ATRNL1: variants seen among roughly 807,000 people sequenced by gnomAD.
ATRNL1 encodes the protein attractin-like protein 1.
In ATRNL1, 95 loss-of-function variants were observed where a neutral mutation model predicts 182.7. The ratio of observed to expected loss-of-function variants is 0.52; its 90% CI spans 0.44 to 0.62. ATRNL1 has a LOEUF of 0.62. Among genes scored for constraint, ATRNL1 ranks in the 20% least tolerant of loss-of-function variants. The pLI, the probability that ATRNL1 is intolerant of heterozygous loss-of-function variation, is 0.00. For synonymous variants in ATRNL1, 576 were observed against 568.3 expected, an observed-to-expected ratio of 1.01 and a Z score of -0.19; for missense variants, 1,471 against 1,679.5, an observed-to-expected ratio of 0.88 and a Z score of 2.17.
chr10:115,292,451 G>A (rs1852965100), intron 15 of ATRNL1, among the ~76,000 whole-genome samples: 1 of 150,768 alleles, frequency 6.6e-6, no homozygotes, highest in South Asian at 2.1e-4. Flanking sequence ...CAACATTAGG[G>A]TGTTTATTTG....
At chr10:115,348,066 C>T (rs549461813) in intron 19 of ATRNL1, among the ~76,000 whole-genome samples, 8 of 152,232 alleles carry the variant, frequency 5.3e-5, no homozygotes, top group East Asian at 1.9e-4. Context: ...CCCAGCCTCC[C>T]GGGTTCAAGG....
At chr10:115,270,038 C>A (rs1851774103) in intron 13 of ATRNL1, among the ~76,000 whole-genome samples, 1 of 151,682 alleles carries the variant, frequency 6.6e-6, no homozygotes, top group Admixed American at 6.6e-5. Context: ...TGAGTTTTAA[C>A]ATTAATATAA....
At chr10:115,314,980 T>C (rs1854222436) in intron 17 of ATRNL1, among the ~76,000 whole-genome samples, 1 of 152,166 alleles carries the variant, frequency 6.6e-6, no homozygotes, top group Non-Finnish European at 1.5e-5. Flanking sequence ...TTAAGTTTAT[T>C]CATCACATAG....
intron 26 of ATRNL1, among the ~76,000 whole-genome samples, chr10:115,610,463 A>G (rs1451203514): frequency 6.6e-6 from 1 of 152,064 alleles, no homozygotes; most frequent in Non-Finnish European, 1.5e-5. Context: ...AAGAATTTTC[A>G]TTTCTTGCTT....
chr10:115,778,876 A>G (rs1403344839), intron 27 of ATRNL1, among the ~76,000 whole-genome samples: 1 of 152,198 alleles, frequency 6.6e-6, no homozygotes, highest in African/African-American at 2.4e-5. Context: ...TGAAGGAGCT[A>G]TTTCAGAGGA....
At chr10:115,773,578 G>A (rs1949046815) in intron 27 of ATRNL1, among the ~76,000 whole-genome samples, 1 of 152,106 alleles carries the variant, frequency 6.6e-6, no homozygotes, top group Non-Finnish European at 1.5e-5. Context: ...CAAAATGTAA[G>A]TATGAGCCAC....
chr10:115,755,490 G>A (rs1555071737), intron 27 of ATRNL1, among the ~76,000 whole-genome samples: 1 of 152,094 alleles, frequency 6.6e-6, no homozygotes, highest in Non-Finnish European at 1.5e-5. Context: ...AGCGTATGTT[G>A]AACTAGCCTT....
intron 28 of ATRNL1, among the ~76,000 whole-genome samples, chr10:115,903,149 G>A (rs1952403616): frequency 6.6e-6 from 1 of 152,044 alleles, no homozygotes; most frequent in Non-Finnish European, 1.5e-5. Flanking sequence ...TAATTACCAG[G>A]GAATTAATTA....
In ATRNL1 at chr10:115,254,515, C is replaced by T. The variant is rs552689746; in HGVS notation, c.1688-10678C>T. 6.9e-3 allele frequency among the ~76,000 whole-genome samples: 991 copies of T among 144,350 alleles called. 11 individuals are homozygous for T. Among genetic ancestry groups the T allele is most frequent in the African/African-American group, 0.023 (937 of 40,648 alleles). The allele number at this position is 144,350 out of a possible 152,430, so 94.7% of individuals were successfully genotyped here. On this transcript the variant is annotated intron_variant, in intron 10 of 28. Transcript: ENST00000355044. ...TTTTTCTTGTAAATTTGTTTGAGTTCTTTGTAGATTCTGGATATTAGCCCT... is the reference window on the plus strand; with the variant it reads ...TTTTTCTTGTAAATTTGTTTGAGTTTTTTGTAGATTCTGGATATTAGCCCT...
chr10:115,790,812 C>G (rs186884325), intron 27 of ATRNL1, among the ~76,000 whole-genome samples: 19 of 152,222 alleles, frequency 1.2e-4, no homozygotes, highest in Admixed American at 1.2e-3. Context: ...TTAAAAGGCA[C>G]CTATTTTCTT....
intron 25 of ATRNL1, among the ~76,000 whole-genome samples, chr10:115,525,578 G>C (rs1193676972): frequency 3.9e-5 from 6 of 152,132 alleles, no homozygotes; most frequent in African/African-American, 1.2e-4. Context: ...ACACAACCTG[G>C]TAGTTCTTCT....
chr10:115,825,395 T>G (rs1285465578), intron 27 of ATRNL1, among the ~76,000 whole-genome samples: 1 of 152,092 alleles, frequency 6.6e-6, no homozygotes, highest in African/African-American at 2.4e-5. Flanking sequence ...AACCTGCACG[T>G]TCTTCTGCAC....
intron 27 of ATRNL1, among the ~76,000 whole-genome samples, chr10:115,778,956 G>A (rs1949196260): frequency 1.3e-5 from 2 of 152,280 alleles, no homozygotes; most frequent in Admixed American, 6.5e-5. Flanking sequence ...CCAAAGTGGG[G>A]TTCAGTAAGT....
chr10:115,738,143 T>TG (rs1948023876), intron 27 of ATRNL1, among the ~76,000 whole-genome samples: 2 of 108,170 alleles, frequency 1.8e-5, no homozygotes, highest in Admixed American at 1.1e-4. Flanking sequence ...TTTTTTTTTT[T>TG]TTTTTTTTTT....
In ATRNL1 at chr10:115,118,393, C is replaced by T. The variant is rs1844584295; in HGVS notation, c.294-1792C>T. Among the ~76,000 whole-genome samples, 5 of 152,024 alleles carry T rather than the reference C, an allele frequency of 3.3e-5. No individual in the cohort carries two copies. The South Asian group carries it at 1.0e-3, about 32-fold the overall frequency. ...ATTATTGATAGAAATAATTTAAGGC[C>T]CAGGATAATGTTATCTTTCTTTAGA... is the stretch of plus-strand genomic sequence containing the variant. On this transcript the variant is annotated intron_variant, in intron 1 of 28. Transcript: ENST00000355044.
chr10:115,369,513 A>C (rs1203305659), intron 19 of ATRNL1, among the ~76,000 whole-genome samples: 1 of 152,156 alleles, frequency 6.6e-6, no homozygotes, highest in Non-Finnish European at 1.5e-5. Flanking sequence ...TGCTAGTGTG[A>C]ATACTGCTGC....
intron 1 of ATRNL1, among the ~76,000 whole-genome samples, chr10:115,101,172 A>G (rs1257059846): frequency 6.6e-6 from 1 of 151,590 alleles, no homozygotes; most frequent in Non-Finnish European, 1.5e-5. Context: ...ACAAAGATAT[A>G]TTTACTTCTT....
rs140988832 is a variant in ATRNL1 at position 115,137,214 on chromosome 10, G to A, written c.829+7679G>A. Among the ~76,000 whole-genome samples, 293 of 152,294 alleles carry A rather than the reference G, an allele frequency of 1.9e-3. 5 individuals carry two copies. The highest frequency in any genetic ancestry group is 9.4e-4 in the Non-Finnish European group (64 of 68,038). ...TCTCAAAAAAAAATCTGAATGATGG[G>A]AGGTCTTTGGTTGAAAGCAACAGAA... On this transcript the variant is annotated intron_variant, in intron 5 of 28. Coordinates refer to ENST00000355044, the MANE Select transcript of ATRNL1 (RefSeq NM_207303.4).
chr10:115,637,597 TTATTAC>T (rs1309906596), intron 26 of ATRNL1, among the ~76,000 whole-genome samples: 1 of 98,950 alleles, frequency 1.0e-5, no homozygotes, highest in Admixed American at 1.2e-4. Flanking sequence ...TAAAGTCAAT[TTATTAC>T]TATTATTATT....
Sources: allele counts gnomAD v4.1 joint callset (sites outside exome capture counted in the v4.1 genomes callset), GRCh38; gene constraint gnomAD v4.1.1; transcripts MANE v1.5; gene names NCBI Gene and HGNC (gene_info 2026-07-23, HGNC 2026-07-21).